NFE2L3: variants seen among roughly 807,000 people sequenced by gnomAD.
NFE2L3 encodes the protein NFE2 like bZIP transcription factor 3, also known as nuclear factor erythroid 2-related factor 3.
A neutral mutation model predicts 23.5 loss-of-function variants in NFE2L3; 18 were observed. The ratio of observed to expected loss-of-function variants is 0.77; its 90% confidence interval spans 0.53 to 1.13. The LOEUF is 1.13. Among genes scored for constraint, NFE2L3 ranks in the 50% most tolerant of loss-of-function variants. The probability of loss-of-function intolerance (pLI) is 0.00; values close to 1 mark genes in which losing one functional copy is unlikely to be tolerated. For synonymous variants in NFE2L3, 424 were observed against 354.5 expected (o/e 1.20, Z -2.20); for missense variants, 1,152 against 877.2 (o/e 1.31, Z -3.96).
Position 26,186,281 on chromosome 7 carries a change from T to A in NFE2L3, c.*498T>A, listed in dbSNP as rs763516147. 6.6e-6 allele frequency: 1 copy of A among 152,316 alleles called. No homozygotes were observed. Among genetic ancestry groups the A allele is most frequent in the African/African-American group, 2.4e-5 (1 of 41,460 alleles). 9.4% of individuals were successfully genotyped at this position (152,316 alleles called of 1,614,324 possible). On this transcript the variant is annotated 3_prime_UTR_variant, in exon 4 of 4. Transcript: ENST00000056233. ...GCTTTCTATGGAAATAAATTTTGTA[T>A]TTGTATTAAAAATTAACTTTTCCCT...
intron 2 of NFE2L3, among the ~76,000 whole-genome samples, chr7:26,179,918 CT>C (rs1784477145): frequency 6.6e-6 from 1 of 152,086 alleles, no homozygotes; most frequent in Non-Finnish European, 1.5e-5. Context: ...TTGGAGACCC[CT>C]GGCCCCACAG....
At position 26,183,725 on chromosome 7, in the gene NFE2L3, T is replaced by G. The variant is rs765700980; in HGVS notation, c.775T>G (p.Ser259Ala). 1.2e-6 allele frequency: 2 copies of G among 1,612,532 alleles called. No homozygotes were observed. The highest frequency in any genetic ancestry group is 2.2e-5 in the East Asian group (1 of 44,868). Reference protein sequence around the residue: ...NERHLNGTDTSFSLEDLFQLL... With the variant: ...NERHLNGTDTAFSLEDLFQLL... Reference sequence around the variant, plus strand: ...GAGACATCTGAATGGGACAGATACTTCTTTCTCTCTGGAAGACTTATTCCA... The same window carrying G: ...GAGACATCTGAATGGGACAGATACTGCTTTCTCTCTGGAAGACTTATTCCA... The change falls in exon 3 of 4, where the codon TCT (serine) becomes GCT (alanine). Residue 259 changes from serine (S) to alanine (A), a missense_variant. Ser to Ala is a moderately conservative substitution (Grantham distance 99, BLOSUM62 1). Transcript: ENST00000056233.
chr7:26,160,183 C>G (rs1215187332), intron 1 of NFE2L3, among the ~76,000 whole-genome samples: 1 of 152,114 alleles, frequency 6.6e-6, no homozygotes. Flanking sequence ...CTCTCAAACT[C>G]CTGGGCTCAA....
rs1175130579 is a variant in NFE2L3 at position 26,152,216 on chromosome 7, C to T, written c.-283C>T. Reference sequence around the variant, plus strand: ...CGGGGGCGGAGCTTGGCCACCGCGCCGGGCTGCGGGCGGCTGGGCGAACGG... The same window carrying T: ...CGGGGGCGGAGCTTGGCCACCGCGCTGGGCTGCGGGCGGCTGGGCGAACGG... On this transcript the variant is annotated 5_prime_UTR_variant, in exon 1 of 4. Coordinates refer to ENST00000056233, the MANE Select transcript of NFE2L3 (RefSeq NM_004289.7). The surrounding 1 kb of genome is among the most constrained non-coding windows in gnomAD (Gnocchi z 4.4). 1.6e-5 allele frequency: 3 copies of T among 182,938 alleles called. No individual in the cohort carries two copies. The highest frequency in any genetic ancestry group is 3.4e-5 in the Non-Finnish European group (3 of 88,922). The allele number at this position is 182,938 out of a possible 1,614,324, so 11.3% of individuals were successfully genotyped here.
In NFE2L3 at chr7:26,186,675, A is replaced by G. The variant is rs1342310394; in HGVS notation, c.*892A>G. ...CCTGAAGGGATGGCCTCACCATCTTAGAATACTGAGATCTCACCAGAACAC... is the reference window on the plus strand; with the variant it reads ...CCTGAAGGGATGGCCTCACCATCTTGGAATACTGAGATCTCACCAGAACAC... On this transcript the variant is annotated 3_prime_UTR_variant, in exon 4 of 4. Transcript: ENST00000056233. The G allele has an allele frequency of 6.6e-6, 1 of 152,216 alleles. No homozygotes were observed. The highest frequency in any genetic ancestry group is 6.5e-5 in the Admixed American group (1 of 15,278). 9.4% of individuals were successfully genotyped at this position (152,216 alleles called of 1,614,324 possible).
rs745327623 is a variant in NFE2L3 at position 26,152,551 on chromosome 7, C to T, written c.53C>T (p.Thr18Ile). 24 of 1,509,224 alleles carry T rather than the reference C, an allele frequency of 1.6e-5. No homozygotes were observed. The highest frequency in any genetic ancestry group is 2.1e-5 in the Non-Finnish European group (24 of 1,136,050). 93.5% of individuals were successfully genotyped at this position (1,509,224 alleles called of 1,614,324 possible). The change falls in exon 1 of 4, where the codon ACC (threonine) becomes ATC (isoleucine). Residue 18 changes from threonine to isoleucine, a missense_variant. Coordinates refer to ENST00000056233, the MANE Select transcript of NFE2L3 (RefSeq NM_004289.7). This position sits in a 1 kb window ranked among gnomAD's most constrained non-coding sequence, Gnocchi z 4.4. ...WSAGGGLLHL[T>I]LLLSLAGLRV... ...GCCGGCGGCGGCCTCCTGCACCTCACCCTCCTGCTGAGCTTGGCGGGGCTC... is the reference window on the plus strand; with the variant it reads ...GCCGGCGGCGGCCTCCTGCACCTCATCCTCCTGCTGAGCTTGGCGGGGCTC...
rs1311685925 is a variant in NFE2L3 at position 26,184,557 on chromosome 7, C to G, written c.859C>G (p.Leu287Val). ...GGGCATCTCATTGGGAGATATTCCT[C>G]TTCCAGGCAGTATCAGTGATGGCAT... is the stretch of plus-strand genomic sequence containing the variant. ...LEGISLGDIP[L>V]PGSISDGMNS... is the part of the protein sequence containing the mutation. The change falls in exon 4 of 4, where the codon CTT (leucine) becomes GTT (valine). Residue 287 changes from leucine (L) to valine (V), a missense_variant. Coordinates refer to ENST00000056233, the MANE Select transcript of NFE2L3 (RefSeq NM_004289.7). The G allele has an allele frequency of 6.2e-7, 1 of 1,612,624 alleles. No individual in the cohort carries two copies. The highest frequency in any genetic ancestry group is 1.3e-5 in the African/African-American group (1 of 74,896).
chr7:26,168,912 A>G (rs1045996477), intron 1 of NFE2L3, among the ~76,000 whole-genome samples: 1 of 152,186 alleles, frequency 6.6e-6, no homozygotes, highest in African/African-American at 2.4e-5. Flanking sequence ...CATTTCACAC[A>G]TCGGGAAACT....
Position 26,185,854 on chromosome 7 carries a change from C to G in NFE2L3, c.*71C>G. 1.6e-6 allele frequency: 2 copies of G among 1,232,556 alleles called. No homozygotes were observed. The highest frequency in any genetic ancestry group is 3.2e-5 in the South Asian group (2 of 62,766). The allele number at this position is 1,232,556 out of a possible 1,614,324, so 76.4% of individuals were successfully genotyped here. On this transcript the variant is annotated 3_prime_UTR_variant, in exon 4 of 4. Coordinates refer to ENST00000056233, the MANE Select transcript of NFE2L3 (RefSeq NM_004289.7). ...GAAACTGATTATTTGGATCAGAAAC[C>G]ATTGAAACTGCTTCAAGAATTGTAT... is the stretch of plus-strand genomic sequence containing the variant.
intron 1 of NFE2L3, among the ~76,000 whole-genome samples, chr7:26,154,671 C>A (rs1220441666): frequency 6.6e-6 from 1 of 152,228 alleles, no homozygotes; most frequent in Non-Finnish European, 1.5e-5. Context: ...CCACTTCAGT[C>A]TCCCAGGTAG....
chr7:26,167,661 C>T (rs1442187730), intron 1 of NFE2L3, among the ~76,000 whole-genome samples: 1 of 152,128 alleles, frequency 6.6e-6, no homozygotes, highest in Admixed American at 6.5e-5. Flanking sequence ...CAAGACTACG[C>T]AACAGAACTA....
At position 26,154,546 on chromosome 7, in the gene NFE2L3, G is replaced by GT. The variant is rs367823206; in HGVS notation, c.570+1485dup. On this transcript the variant is annotated intron_variant, in intron 1 of 3. Transcript: ENST00000056233. ...GAGACAAAGTGGCCTTCCCTTGGCT[G>GT]TTTTTTTGTTTGTTTTGTTTTAAAG... Among the ~76,000 whole-genome samples, 200 of 152,164 alleles carry GT rather than the reference G, an allele frequency of 1.3e-3. 1 individual carries two copies. Among genetic ancestry groups the GT allele is most frequent in the African/African-American group, 4.6e-3 (193 of 41,518 alleles).
intron 3 of NFE2L3, 75 bp from the exon 4 acceptor site, chr7:26,184,458 G>T: frequency 2.2e-6 from 3 of 1,369,482 alleles, no homozygotes; most frequent in Non-Finnish European, 3.0e-6. Flanking sequence ...AGAGGGGAAA[G>T]AAAGTTGTTA....
chr7:26,164,555 T>C (rs910521178), intron 1 of NFE2L3, among the ~76,000 whole-genome samples: 11 of 152,234 alleles, frequency 7.2e-5, no homozygotes, highest in African/African-American at 2.4e-4. Context: ...TTCTGGATAT[T>C]AGCCCTTTGT....
In NFE2L3 at chr7:26,184,621, C is replaced by A. The variant is rs1562679995; in HGVS notation, c.923C>A (p.Ala308Asp). The A allele has an allele frequency of 6.2e-7, 1 of 1,613,798 alleles. No homozygotes were observed. The highest frequency in any genetic ancestry group is 1.7e-5 in the Admixed American group (1 of 60,014). The change falls in exon 4 of 4, where the codon GCT becomes GAT. Residue 308 changes from alanine (A) to aspartate (D), a missense_variant. Physicochemically the swap from Ala to Asp is moderately radical, Grantham distance 126. Transcript: ENST00000056233. ...SAHYHVNFSQ[A>D]ISQDVNLHEA... ...CATTATCATGTAAACTTCAGCCAGG[C>A]TATAAGTCAGGATGTGAATCTTCAT...
At position 26,186,975 on chromosome 7, in the gene NFE2L3, AAT is replaced by A. The variant is rs1491286765; in HGVS notation, c.*1195_*1196del. ...GATTTTGACGGGTACTATAATGCTT[AAT>A]ATGTCCAAATTTTCAAAATGAAGTT... On this transcript the variant is annotated 3_prime_UTR_variant, in exon 4 of 4. Coordinates refer to ENST00000056233, the MANE Select transcript of NFE2L3 (RefSeq NM_004289.7). The A allele has an allele frequency of 2.0e-5, 3 of 152,348 alleles. No individual in the cohort carries two copies. Among genetic ancestry groups the A allele is most frequent in the South Asian group, 4.1e-4 (2 of 4,826 alleles). 9.4% of individuals were successfully genotyped at this position (152,348 alleles called of 1,614,324 possible).
chr7:26,167,757 A>G (rs1784272311), intron 1 of NFE2L3, among the ~76,000 whole-genome samples: 1 of 152,224 alleles, frequency 6.6e-6, no homozygotes, highest in African/African-American at 2.4e-5. Context: ...ATTACTGGCT[A>G]CTAGGGCTAG....
intron 1 of NFE2L3, among the ~76,000 whole-genome samples, chr7:26,171,802 G>A (rs1784331627): frequency 1.3e-5 from 2 of 152,098 alleles, no homozygotes; most frequent in Non-Finnish European, 2.9e-5. Context: ...AGGCCAAGGA[G>A]GAAGAATTGT....
At chr7:26,167,887 A>G (rs1048892033) in intron 1 of NFE2L3, among the ~76,000 whole-genome samples, 10 of 152,188 alleles carry the variant, frequency 6.6e-5, no homozygotes, top group Non-Finnish European at 1.3e-4. Context: ...CAGCTTACAC[A>G]TATGAAGGGG....
Sources: gnomAD v4.1 joint callset for allele counts (sites outside exome capture counted in the v4.1 genomes callset) on GRCh38, gnomAD v4.1.1 for gene constraint, Gnocchi (gnomAD v3.1) non-coding constraint, MANE v1.5 for transcripts, NCBI Gene and HGNC (gene_info 2026-07-23, HGNC 2026-07-21) for gene names.